RIC1: variants seen among roughly 807,000 people sequenced by gnomAD.
RIC1 encodes the protein guanine nucleotide exchange factor subunit RIC1.
Under a neutral mutation model 169.0 loss-of-function variants are expected in RIC1, and 88 were observed. The ratio of observed to expected loss-of-function variants is 0.52; its 90% CI spans 0.44 to 0.62. The LOEUF is 0.62. Among genes scored for constraint, RIC1 ranks in the 20% least tolerant of loss-of-function variants. The pLI is 0.00. For missense variants in RIC1, 1,877 were observed against 1,725.5 expected, an observed-to-expected ratio of 1.09 and a Z score of -1.56; for synonymous variants, 790 against 601.5, an observed-to-expected ratio of 1.31 and a Z score of -4.59.
At chr9:5,771,310 T>C (rs1163988232) in intron 23 of RIC1, among the ~76,000 whole-genome samples, 1 of 152,190 alleles carries the variant, frequency 6.6e-6, no homozygotes, top group African/African-American at 2.4e-5. Flanking sequence ...GGAAATCATA[T>C]AGTGTTTGTC....
intron 3 of RIC1, among the ~76,000 whole-genome samples, chr9:5,705,529 T>C (rs745399285): frequency 6.6e-6 from 1 of 152,196 alleles, no homozygotes; most frequent in African/African-American, 2.4e-5. Flanking sequence ...TAATAACTCT[T>C]CTGTGGATTC....
chr9:5,651,126 C>T (rs1415604487), intron 1 of RIC1, among the ~76,000 whole-genome samples: 2 of 152,226 alleles, frequency 1.3e-5, no homozygotes, highest in Non-Finnish European at 2.9e-5. Flanking sequence ...GACCCCCTCT[C>T]TGTAAGCTAG....
At chr9:5,659,994 A>T (rs1036742258) in intron 2 of RIC1, among the ~76,000 whole-genome samples, 2 of 152,034 alleles carry the variant, frequency 1.3e-5, no homozygotes, top group Non-Finnish European at 2.9e-5. Flanking sequence ...GCTCTCCCTC[A>T]TCCTGCGCCC....
rs1400278647 is a variant in RIC1, at chr9:5,732,330, G to A, written c.721-58G>A. ...ATGTTTATTGAAGGAGAATTATATT[G>A]ACTACGGTAAATTTGGAGAAACACT... On this transcript the variant is annotated intron_variant, in intron 6 of 25. Coordinates refer to ENST00000414202, the MANE Select transcript of RIC1 (RefSeq NM_020829.4). 7 of 1,285,274 alleles carry A rather than the reference G, an allele frequency of 5.4e-6. No individual in the cohort carries two copies. The East Asian group carries it at 1.4e-4, about 26-fold the overall frequency. 79.6% of individuals were successfully genotyped at this position (1,285,274 alleles called of 1,614,324 possible).
chr9:5,695,718 G>T (rs1453904991), intron 3 of RIC1, among the ~76,000 whole-genome samples: 4 of 151,744 alleles, frequency 2.6e-5, no homozygotes, highest in African/African-American at 9.7e-5. Context: ...CTACAGGCAT[G>T]CACCACCACA....
chr9:5,763,344 C>G lies in RIC1; in HGVS notation c.2317C>G (p.His773Asp), dbSNP rs760788414. ...GTCCCAGCGGATCATGCTGCCTTTC[C>G]ACATCAACATTTACCCGCTAGCTGT... Reference protein sequence around the residue: ...FLSQRIMLPFHINIYPLAVLF... With the variant: ...FLSQRIMLPFDINIYPLAVLF... Residue 773 changes from histidine to aspartate, a missense_variant, in exon 19 of 26, where the codon CAC becomes GAC. This residue lies in a region of RIC1 where 1,104 missense variants were observed against 992.0 expected (regional missense o/e 1.11). Coordinates refer to ENST00000414202, the MANE Select transcript of RIC1 (RefSeq NM_020829.4). This position sits in a 1 kb window ranked among gnomAD's most constrained non-coding sequence, Gnocchi z 5.2. 2 of 1,614,178 alleles carry G rather than the reference C, an allele frequency of 1.2e-6. No individual in the cohort carries two copies. The highest frequency in any genetic ancestry group is 1.6e-4 in the Middle Eastern group (1 of 6,062).
intron 6 of RIC1, among the ~76,000 whole-genome samples, chr9:5,723,893 G>A (rs1823774704): frequency 6.6e-6 from 1 of 152,062 alleles, no homozygotes; most frequent in Non-Finnish European, 1.5e-5. Context: ...ATTTCTGAGG[G>A]CTCTGTTCTG....
chr9:5,705,362 T>A (rs1052833462), intron 3 of RIC1, among the ~76,000 whole-genome samples: 1 of 152,176 alleles, frequency 6.6e-6, no homozygotes, highest in African/African-American at 2.4e-5. Context: ...CATACAACTC[T>A]TACTCATCCT....
intron 1 of RIC1, among the ~76,000 whole-genome samples, chr9:5,654,321 A>C (rs1455087713): frequency 6.6e-6 from 1 of 152,008 alleles, no homozygotes; most frequent in Admixed American, 6.5e-5. Flanking sequence ...GTCTTGACTC[A>C]CTGCAGCCTC....
intron 6 of RIC1, among the ~76,000 whole-genome samples, chr9:5,729,541 T>G (rs1282106705): frequency 2.0e-5 from 3 of 152,208 alleles, no homozygotes; most frequent in East Asian, 1.9e-4. Flanking sequence ...TCCTATTATT[T>G]TTGTCTTTGC....
intron 2 of RIC1, among the ~76,000 whole-genome samples, chr9:5,672,329 C>T (rs1820155768): frequency 6.6e-6 from 1 of 152,064 alleles, no homozygotes; most frequent in African/African-American, 2.4e-5. Flanking sequence ...ATTGATGAGC[C>T]ACAGGGATGA....
At chr9:5,712,522 G>A (rs900928397) in intron 3 of RIC1, among the ~76,000 whole-genome samples, 1 of 152,148 alleles carries the variant, frequency 6.6e-6, no homozygotes, top group African/African-American at 2.4e-5. Context: ...CAAAAAGTGG[G>A]CAAAGGATAT....
chr9:5,720,064 T>C, intron 4 of RIC1, 118 bp from the exon 5 acceptor site: 2 of 674,440 alleles, frequency 3.0e-6, no homozygotes, highest in Middle Eastern at 2.9e-4. Flanking sequence ...TAAATGGAGA[T>C]GTTTTGTAAA....
rs762303239 is a variant in RIC1 at position 5,774,253 on chromosome 9, G to A, written c.*7G>A. 6.3e-7 allele frequency: 1 copy of A among 1,593,414 alleles called. No homozygotes were observed. The highest frequency in any genetic ancestry group is 1.1e-5 in the South Asian group (1 of 87,846). On this transcript the variant is annotated 3_prime_UTR_variant, in exon 26 of 26. Transcript: ENST00000414202. ...CGACTGTTCTGTGTCCTAACAGTGA[G>A]GTTCCATCACAAAGGGGCAGTATTA... is the stretch of plus-strand genomic sequence containing the variant.
intron 17 of RIC1, among the ~76,000 whole-genome samples, chr9:5,761,321 C>T (rs1373559991): frequency 6.6e-6 from 1 of 151,652 alleles, no homozygotes; most frequent in Admixed American, 6.6e-5. Context: ...ACCATTTTGG[C>T]CAGGTTGGTC....
At chr9:5,756,048 T>C (rs903081214) in intron 15 of RIC1, among the ~76,000 whole-genome samples, 164 bp from the exon 16 acceptor site, 3 of 151,842 alleles carry the variant, frequency 2.0e-5, no homozygotes, top group African/African-American at 7.3e-5. Context: ...TGCAAAAATA[T>C]GTAAACATAA....
At chr9:5,737,565 G>A (rs1034882235) in intron 7 of RIC1, among the ~76,000 whole-genome samples, 8 of 147,338 alleles carry the variant, frequency 5.4e-5, no homozygotes, top group Admixed American at 4.1e-4. Context: ...TATCAAATAT[G>A]TATGTTTATA....
intron 3 of RIC1, among the ~76,000 whole-genome samples, chr9:5,692,591 T>G (rs552561599): frequency 1.3e-5 from 2 of 152,086 alleles, no homozygotes; most frequent in Non-Finnish European, 2.9e-5. Flanking sequence ...CAGCCTGTTG[T>G]GTATTTGTGT....
At chr9:5,633,127 A>G (rs1817798580) in intron 1 of RIC1, among the ~76,000 whole-genome samples, 1 of 152,212 alleles carries the variant, frequency 6.6e-6, no homozygotes, top group African/African-American at 2.4e-5. Flanking sequence ...AAAATAAATT[A>G]TATGTCGTTT....
Sources: allele counts gnomAD v4.1 joint callset (sites outside exome capture counted in the v4.1 genomes callset), GRCh38; gene constraint gnomAD v4.1.1; regional missense constraint gnomAD v4.1.1; non-coding constraint Gnocchi (gnomAD v3.1); transcripts MANE v1.5; gene names NCBI Gene and HGNC (gene_info 2026-07-23, HGNC 2026-07-21).